Variants in SLC27A2 observed in about 807,000 individuals in gnomAD.
The protein encoded by SLC27A2 is long-chain fatty acid transport protein 2.
In SLC27A2, 54 loss-of-function variants were observed where a neutral mutation model predicts 60.0. That is an observed-to-expected ratio of 0.90 (90% CI 0.72 to 1.13). The LOEUF (loss-of-function observed/expected upper bound fraction) is 1.13, where lower values mean the gene tolerates loss of function less well. SLC27A2 is among the 50% of genes most tolerant of loss of function. The probability of loss-of-function intolerance (pLI) is 0.00; values close to 1 mark genes in which losing one functional copy is unlikely to be tolerated. For synonymous variants in SLC27A2, 297 were observed against 297.6 expected, an observed-to-expected ratio of 1.00 and a Z score of 0.02; for missense variants, 739 against 777.6, an observed-to-expected ratio of 0.95 and a Z score of 0.59.
intron 1 of SLC27A2, among the ~76,000 whole-genome samples, chr15:50,189,223 C>G (rs1393454115): frequency 6.6e-6 from 1 of 151,954 alleles, no homozygotes; most frequent in Non-Finnish European, 1.5e-5. Context: ...TCAATCTACC[C>G]CAGGCCCAGC....
intron 2 of SLC27A2, among the ~76,000 whole-genome samples, chr15:50,199,694 C>CA (rs2045050200): frequency 6.6e-6 from 1 of 151,992 alleles, no homozygotes; most frequent in African/African-American, 2.4e-5. Context: ...TTTGGGAGGC[C>CA]AAGGCAGGAG....
chr15:50,219,745 A>G (rs1045859679), intron 4 of SLC27A2, among the ~76,000 whole-genome samples: 6 of 152,294 alleles, frequency 3.9e-5, no homozygotes, highest in Admixed American at 1.3e-4. Context: ...AAAGCCTTCA[A>G]TAGAAGCTTT....
chr15:50,185,569 A>G (rs1278591770), intron 1 of SLC27A2, among the ~76,000 whole-genome samples: 1 of 152,034 alleles, frequency 6.6e-6, no homozygotes, highest in African/African-American at 2.4e-5. Flanking sequence ...CTTTAAAAAA[A>G]AAAGTTTACA....
chr15:50,234,155 G>A (rs373925696), intron 9 of SLC27A2, among the ~76,000 whole-genome samples, 157 bp downstream of exon 9: 2 of 152,248 alleles, frequency 1.3e-5, no homozygotes, highest in East Asian at 3.9e-4. Context: ...TAAGGAAGTG[G>A]TAATATCAGG....
At chr15:50,196,054 A>AAAAAAAAAAAAAAT (rs1291003660) in intron 1 of SLC27A2, among the ~76,000 whole-genome samples, 5 of 5,486 alleles carry the variant, frequency 9.1e-4, no homozygotes, top group Admixed American at 5.9e-3. Context: ...ACTCTGTCTC[A>AAAAAAAAAAAAAAT]AAAAAAAAAA....
Position 50,202,674 on chromosome 15 carries a change from C to T in SLC27A2, c.847+29C>T, listed in dbSNP as rs759186098. On this transcript the variant is annotated intron_variant, in intron 3 of 9. Transcript: ENST00000267842. The stretch of plus-strand genomic sequence containing the variant: ...AGCTTTTTCTACAAAATGTTGGAGG[C>T]GAGTGCACATTTACATTTTCCCAGA... The T allele has an allele frequency of 3.1e-6, 5 of 1,603,192 alleles. No individual in the cohort carries two copies. The African/African-American group carries it at 4.0e-5, about 13-fold the overall frequency.
intron 6 of SLC27A2, 22 bp from the exon 7 acceptor site, chr15:50,226,958 A>C (rs1413080797): frequency 6.2e-7 from 1 of 1,600,440 alleles, no homozygotes; most frequent in Non-Finnish European, 8.5e-7. Flanking sequence ...ACATAAAATA[A>C]GTTTACTTTC....
Position 50,215,349 on chromosome 15 carries a change from T to C in SLC27A2, c.973-7616T>C, listed in dbSNP as rs1425216470. On this transcript the variant is annotated intron_variant, in intron 4 of 9. Coordinates refer to ENST00000267842, the MANE Select transcript of SLC27A2 (RefSeq NM_003645.4). ...CAAATGGAAACATATCCCATGCTCA[T>C]GGCTGGGTAGAATCAATATTGTGAA... 2.0e-5 allele frequency among the ~76,000 whole-genome samples: 3 copies of C among 152,198 alleles called. No individual in the cohort carries two copies. The East Asian group carries it at 5.8e-4, about 29-fold the overall frequency.
At chr15:50,216,595 G>GGTGTGTGTGTGTGTGTGTGT (rs371273005) in intron 4 of SLC27A2, among the ~76,000 whole-genome samples, 11 of 69,932 alleles carry the variant, frequency 1.6e-4, no homozygotes, top group African/African-American at 3.6e-4. Flanking sequence ...AAGAAACTGT[G>GGTGTGTGTGTGTGTGTGTGT]GTGTGTGTGT....
intron 4 of SLC27A2, among the ~76,000 whole-genome samples, chr15:50,217,315 G>A (rs2045206025): frequency 6.6e-6 from 1 of 152,146 alleles, no homozygotes. Flanking sequence ...CTTCCACTGT[G>A]TGGGAGACAG....
At chr15:50,188,822 T>C (rs1206945509) in intron 1 of SLC27A2, among the ~76,000 whole-genome samples, 1 of 152,110 alleles carries the variant, frequency 6.6e-6, no homozygotes, top group East Asian at 1.9e-4. Flanking sequence ...TAGTCGGGCA[T>C]GGTGGCGGGC....
intron 4 of SLC27A2, among the ~76,000 whole-genome samples, chr15:50,217,047 A>G (rs984624864): frequency 5.3e-5 from 8 of 151,694 alleles, no homozygotes; most frequent in Non-Finnish European, 1.0e-4. Flanking sequence ...GCTAAACTAT[A>G]AGGAAACAAA....
intron 3 of SLC27A2, 50 bp from the exon 4 acceptor site, chr15:50,205,189 G>C (rs760649565): frequency 1.3e-6 from 2 of 1,559,358 alleles, no homozygotes; most frequent in East Asian, 2.3e-5. Flanking sequence ...ATAACTGGGA[G>C]AATTTTTTCC....
chr15:50,233,783 T>C, intron 8 of SLC27A2, 85 bp from the exon 9 acceptor site: 1 of 1,238,672 alleles, frequency 8.1e-7, no homozygotes, highest in Non-Finnish European at 1.1e-6. Context: ...ATGCTATAAA[T>C]GTTGTCTGAG....
chr15:50,223,969 C>T (rs997242506), intron 5 of SLC27A2, among the ~76,000 whole-genome samples: 1 of 152,160 alleles, frequency 6.6e-6, no homozygotes, highest in Non-Finnish European at 1.5e-5. Flanking sequence ...AGTTCATGTG[C>T]GTAAGAGCCC....
At position 50,182,359 on chromosome 15, in the gene SLC27A2, C is replaced by G; in HGVS notation, c.-69C>G. The G allele has an allele frequency of 7.1e-7, 1 of 1,406,454 alleles. No homozygotes were observed. The highest frequency in any genetic ancestry group is 9.2e-7 in the Non-Finnish European group (1 of 1,082,368). 87.1% of individuals were successfully genotyped at this position (1,406,454 alleles called of 1,614,324 possible). On this transcript the variant is annotated 5_prime_UTR_variant, in exon 1 of 10. Transcript: ENST00000267842. ...GCCCGCCAGTCCGCCCGGAGCCCGCCCAGTCGCCGCGCTGCACGCCCGGGG... is the reference window on the plus strand; with the variant it reads ...GCCCGCCAGTCCGCCCGGAGCCCGCGCAGTCGCCGCGCTGCACGCCCGGGG...
At chr15:50,199,161 A>C (rs1327821165) in intron 2 of SLC27A2, among the ~76,000 whole-genome samples, 1 of 152,178 alleles carries the variant, frequency 6.6e-6, no homozygotes, top group Non-Finnish European at 1.5e-5. Context: ...AGAATGGTAA[A>C]ATTAAATTGT....
intron 3 of SLC27A2, among the ~76,000 whole-genome samples, chr15:50,204,507 A>G (rs968448324): frequency 1.3e-5 from 2 of 151,648 alleles, no homozygotes; most frequent in Non-Finnish European, 2.9e-5. Context: ...GCCAAGGGGT[A>G]CAGATCACGA....
At chr15:50,194,179 C>T (rs540214457) in intron 1 of SLC27A2, among the ~76,000 whole-genome samples, 1 of 152,180 alleles carries the variant, frequency 6.6e-6, no homozygotes, top group East Asian at 1.9e-4. Context: ...CCCTATCATA[C>T]TGTGTATAAG....
Sources: gnomAD v4.1 joint callset for allele counts (sites outside exome capture counted in the v4.1 genomes callset) on GRCh38, gnomAD v4.1.1 for gene constraint, MANE v1.5 for transcripts, NCBI Gene and HGNC (gene_info 2026-07-23, HGNC 2026-07-21) for gene names.